The following ABCA8 variants were observed in gnomAD, a reference collection of about 807,000 sequenced individuals.
ABCA8 encodes ATP binding cassette subfamily A member 8.
ABCA8 carries 177 observed loss-of-function variants against 192.3 expected under a neutral mutation model. That is an observed-to-expected ratio of 0.92 (90% CI 0.81 to 1.04). The LOEUF (loss-of-function observed/expected upper bound fraction) is 1.04. Ranked by LOEUF, ABCA8 falls within the 50% of genes least tolerant of loss-of-function variation. The pLI is 0.00. For missense variants in ABCA8, 1,915 were observed against 1,904.8 expected (o/e 1.01, Z -0.10); for synonymous variants, 642 against 690.2 (o/e 0.93, Z 1.09).
intron 23 of ABCA8, among the ~76,000 whole-genome samples, chr17:68,891,829 TAAG>T (rs1473484482): frequency 1.3e-5 from 2 of 152,206 alleles, no homozygotes; most frequent in African/African-American, 4.8e-5. Context: ...TGGAAAATAA[TAAG>T]AACAAGATTT....
intron 2 of ABCA8, chr17:68,944,700 T>C (rs2068346475): frequency 6.6e-6 from 1 of 151,976 alleles, no homozygotes; most frequent in Non-Finnish European, 1.5e-5. Context: ...CGTCGCTCTA[T>C]GATAAAAGCC....
rs372316647 is a variant in ABCA8 at position 68,921,353 on chromosome 17, A to T, written c.1612+29T>A. On this transcript the variant is annotated intron_variant, in intron 13 of 39. Coordinates refer to ENST00000586539, the MANE Select transcript of ABCA8 (RefSeq NM_001288985.2). ...TACCCTAAAACTTAAAGTATAATTT[A>T]AAAAAAAAGAAAACAAACTAGTTTG... The T allele has an allele frequency of 4.0e-4, 560 of 1,388,534 alleles. 4 individuals are homozygous for T. The African/African-American group carries it at 6.4e-3, about 16-fold the overall frequency. 86.0% of individuals were successfully genotyped at this position (1,388,534 alleles called of 1,614,324 possible).
intron 2 of ABCA8, 120 bp from the exon 3 acceptor site, chr17:68,942,159 G>A (rs1301585056): frequency 5.8e-6 from 4 of 690,788 alleles, no homozygotes; most frequent in Non-Finnish European, 9.7e-6. Context: ...AGTGCAAAGA[G>A]TCTGAGTGTT....
chr17:68,948,037 C>T (rs1019173463), intron 2 of ABCA8, among the ~76,000 whole-genome samples: 2 of 152,106 alleles, frequency 1.3e-5, no homozygotes. Context: ...AGAATGATGG[C>T]TTCCAGCTTC....
chr17:68,928,576 G>A (rs1476023066), intron 9 of ABCA8, among the ~76,000 whole-genome samples: 1 of 152,188 alleles, frequency 6.6e-6, no homozygotes, highest in East Asian at 1.9e-4. Flanking sequence ...CATTTAGTTA[G>A]AGGGAAGGCA....
intron 17 of ABCA8, among the ~76,000 whole-genome samples, chr17:68,916,095 T>TAGAG (rs568029608): frequency 1.3e-3 from 191 of 152,120 alleles, no homozygotes; most frequent in African/African-American, 4.6e-3. Context: ...TTTATGGAGA[T>TAGAG]AGTAGAAGGA....
At chr17:68,929,455 C>T in intron 8 of ABCA8, 106 bp downstream of exon 8, 1 of 1,327,050 alleles carries the variant, frequency 7.5e-7, no homozygotes, top group Non-Finnish European at 1.0e-6. Context: ...TTTTCACATG[C>T]AAACAGAGTA....
At position 68,894,245 on chromosome 17, in the gene ABCA8, A is replaced by C; in HGVS notation, c.2964T>G (p.Ile988Met). The C allele has an allele frequency of 6.2e-7, 1 of 1,613,150 alleles. No individual in the cohort carries two copies. The highest frequency in any genetic ancestry group is 1.1e-5 in the South Asian group (1 of 91,006). Residue 988 changes from isoleucine (I) to methionine (M), a missense_variant, in exon 23 of 40, where the codon ATT (isoleucine) becomes ATG (methionine). Ile to Met is a conservative substitution (Grantham distance 10). Transcript: ENST00000586539. ...CCATTCCAAGTAGCCCATTACTAAC[A>C]ATGTCCATAAGAACTGGGAAGCAAT... ...RLNCFPVLMD[I>M]VSNGLLGMVK...
In ABCA8 at chr17:68,868,584, GTATT is replaced by G. The variant is rs577627900; in HGVS notation, c.4712-232_4712-229del. ...GTATGTTGTGCAGTTTTTGCGAACT[GTATT>G]TAAAGGAGAAAATGCTACTGAGTAA... On this transcript the variant is annotated intron_variant, in intron 38 of 39. Coordinates refer to ENST00000586539, the MANE Select transcript of ABCA8 (RefSeq NM_001288985.2). 2.5e-3 allele frequency among the ~76,000 whole-genome samples: 386 copies of G among 152,290 alleles called. 1 individual carries two copies. The highest frequency in any genetic ancestry group is 8.9e-3 in the African/African-American group (372 of 41,578).
In ABCA8 at chr17:68,903,497, T is replaced by A; in HGVS notation, c.2401A>T (p.Ile801Phe). 1 of 1,614,084 alleles carries A rather than the reference T, an allele frequency of 6.2e-7. No individual in the cohort carries two copies. Among genetic ancestry groups the A allele is most frequent in the Non-Finnish European group, 8.5e-7 (1 of 1,180,006 alleles). Residue 801 changes from isoleucine (I) to phenylalanine (F), a missense_variant and splice_region_variant, in exon 20 of 40, where the codon ATT (isoleucine) becomes TTT (phenylalanine). Ile to Phe is a conservative substitution (Grantham distance 21). Coordinates refer to ENST00000586539, the MANE Select transcript of ABCA8 (RefSeq NM_001288985.2). ...GCTTGTACTTCTCCCAAAATAGCAA[T>A]GTCTGCAAAACATAAAATAAGCAAC... is the stretch of plus-strand genomic sequence containing the variant. The part of the protein sequence containing the change: ...EGKSTINESD[I>F]AILGEVQAEK...
intron 2 of ABCA8, among the ~76,000 whole-genome samples, chr17:68,945,286 T>G (rs1246462767): frequency 1.3e-5 from 2 of 152,148 alleles, no homozygotes; most frequent in Non-Finnish European, 2.9e-5. Context: ...GTCTTATATG[T>G]TGAATGGCCA....
intron 2 of ABCA8, among the ~76,000 whole-genome samples, chr17:68,947,536 G>T (rs2068444990): frequency 6.6e-6 from 1 of 152,102 alleles, no homozygotes. Flanking sequence ...GATCTTAGAA[G>T]GCTAGTAAAC....
intron 36 of ABCA8, 27 bp downstream of exon 36, chr17:68,875,587 A>G: frequency 6.2e-7 from 1 of 1,609,372 alleles, no homozygotes; most frequent in Non-Finnish European, 8.5e-7. Flanking sequence ...CCTTGGGCTC[A>G]AGTGTGGGTC....
intron 5 of ABCA8, among the ~76,000 whole-genome samples, chr17:68,935,758 G>A (rs1311567875): frequency 6.6e-6 from 1 of 151,672 alleles, no homozygotes; most frequent in African/African-American, 2.4e-5. Flanking sequence ...ATTTCTTTGA[G>A]AAATCTCCAT....
intron 15 of ABCA8, 58 bp downstream of exon 15, chr17:68,918,369 T>C: frequency 6.5e-7 from 1 of 1,530,736 alleles, no homozygotes; most frequent in Non-Finnish European, 8.7e-7. Flanking sequence ...ATTTGAACTA[T>C]TACCAAAAGT....
chr17:68,914,384 A>T (rs547971095), intron 17 of ABCA8, among the ~76,000 whole-genome samples: 191 of 152,280 alleles, frequency 1.3e-3, no homozygotes, highest in African/African-American at 4.5e-3. Context: ...ATGATCTTAT[A>T]TTTGAAAAAT....
chr17:68,894,092 C>T (rs1190893313), intron 23 of ABCA8, 81 bp downstream of exon 23: 1 of 1,473,378 alleles, frequency 6.8e-7, no homozygotes. Flanking sequence ...TCAATAAAAA[C>T]AAGATTCCAG....
chr17:68,944,824 C>A (rs1170314967), intron 2 of ABCA8: 1 of 152,180 alleles, frequency 6.6e-6, no homozygotes. Flanking sequence ...AAGGACCCAG[C>A]ACGGATACAA....
chr17:68,918,123 G>C lies in ABCA8; in HGVS notation c.1971C>G (p.Asn657Lys). ...LDPFSRHQVW[N>K]LLKERKTDRV... Reference sequence around the variant, plus strand: ...GGTCTGTTTTGCGTTCTTTCAGAAGGTTCCATACTTGGTGTCTTGAAAAGG... The same window carrying C: ...GGTCTGTTTTGCGTTCTTTCAGAAGCTTCCATACTTGGTGTCTTGAAAAGG... The change falls in exon 16 of 40, where the codon AAC becomes AAG. Residue 657 changes from asparagine (N) to lysine (K), a missense_variant. Asn to Lys is a moderately conservative substitution (Grantham distance 94). Coordinates refer to ENST00000586539, the MANE Select transcript of ABCA8 (RefSeq NM_001288985.2). 1 of 1,614,156 alleles carries C rather than the reference G, an allele frequency of 6.2e-7. No homozygotes were observed. The highest frequency in any genetic ancestry group is 1.1e-5 in the South Asian group (1 of 91,090).
Sources: allele counts gnomAD v4.1 joint callset (sites outside exome capture counted in the v4.1 genomes callset), GRCh38; gene constraint gnomAD v4.1.1; transcripts MANE v1.5; gene names NCBI Gene and HGNC (gene_info 2026-07-23, HGNC 2026-07-21).